Variants in RRP1 observed in about 807,000 individuals in gnomAD.
RRP1 encodes the protein ribosomal RNA processing protein 1 homolog A.
RRP1 carries 37 observed loss-of-function variants against 54.6 expected under a neutral mutation model. That is an observed-to-expected ratio of 0.68 (90% CI 0.52 to 0.89). The LOEUF is 0.89. RRP1 is among the 40% of genes least tolerant of loss of function. The probability of loss-of-function intolerance (pLI) is 0.00; values close to 1 mark genes in which losing one functional copy is unlikely to be tolerated. For missense variants in RRP1, 639 were observed against 612.5 expected (o/e 1.04, Z -0.46); for synonymous variants, 262 against 244.3 (o/e 1.07, Z -0.67).
rs953802167 is a variant in RRP1, at chr21:43,803,688, A to G, written c.1300A>G (p.Arg434Gly). The G allele has an allele frequency of 1.6e-5, 25 of 1,553,920 alleles. No homozygotes were observed. Among genetic ancestry groups the G allele is most frequent in the Non-Finnish European group, 2.1e-5 (24 of 1,149,120 alleles). The change falls in exon 13 of 13, where the codon AGG becomes GGG. Residue 434 changes from arginine to glycine, a missense_variant. Coordinates refer to ENST00000497547, the MANE Select transcript of RRP1 (RefSeq NM_003683.6). Reference protein sequence around the residue: ...GRGQRGARQRRRTPRPLTSAR... With the variant: ...GRGQRGARQRGRTPRPLTSAR... ...TGGCCAGAGAGGGGCTCGCCAGAGA[A>G]GGAGGACACCTCGGCCCCTGACCAG... is the stretch of plus-strand genomic sequence containing the variant.
rs566967177 is a variant in RRP1 at position 43,804,240 on chromosome 21, T to C, written c.*466T>C. On this transcript the variant is annotated 3_prime_UTR_variant, in exon 13 of 13. Coordinates refer to ENST00000497547, the MANE Select transcript of RRP1 (RefSeq NM_003683.6). The surrounding 1 kb of genome is among the most constrained non-coding windows in gnomAD (Gnocchi z 4.3). The stretch of plus-strand genomic sequence containing the variant: ...TCCTTTCACAGAACTGCCCAGGTGT[T>C]AACAGGGCTGTCTGGACGGGGCTCT... 6 of 155,244 alleles carry C rather than the reference T, an allele frequency of 3.9e-5. No individual in the cohort carries two copies. In the South Asian group the frequency reaches 1.2e-3, roughly 31 times the overall value. 9.6% of individuals were successfully genotyped at this position (155,244 alleles called of 1,614,324 possible). A position where few individuals can be genotyped will look rare whatever the true frequency, so the allele number is the denominator to read the frequency against.
Position 43,791,436 on chromosome 21 carries a change from A to C in RRP1, c.216+4A>C. 5.0e-6 allele frequency: 8 copies of C among 1,613,544 alleles called. No homozygotes were observed. Among genetic ancestry groups the C allele is most frequent in the Non-Finnish European group, 5.9e-6 (7 of 1,179,662 alleles). ...GCAGGACAAGCCACTCCTCCAGGTGAGTGGGGGGAGCAGCAGAGCAGGTAC... is the reference window on the plus strand; with the variant it reads ...GCAGGACAAGCCACTCCTCCAGGTGCGTGGGGGGAGCAGCAGAGCAGGTAC... On this transcript the variant is annotated splice_donor_region_variant and intron_variant, in intron 2 of 12. Transcript: ENST00000497547.
Position 43,789,761 on chromosome 21 carries a change from A to C in RRP1, c.132A>C (p.Ala44=), listed in dbSNP as rs1338151836. The C allele has an allele frequency of 6.6e-7, 1 of 1,510,708 alleles. No homozygotes were observed. Among genetic ancestry groups the C allele is most frequent in the Non-Finnish European group, 8.9e-7 (1 of 1,127,676 alleles). The allele number at this position is 1,510,708 out of a possible 1,614,324, so 93.6% of individuals were successfully genotyped here. Residue 44 remains alanine, a splice_region_variant and synonymous_variant, in exon 1 of 13, where the codon GCA becomes GCC. Coordinates refer to ENST00000497547, the MANE Select transcript of RRP1 (RefSeq NM_003683.6). ...TCGTCGCCAGGACTCAGCGGGCCGCAGGTTGGCGGGGGTGTGGGCGGCTGG... is the reference window on the plus strand; with the variant it reads ...TCGTCGCCAGGACTCAGCGGGCCGCCGGTTGGCGGGGGTGTGGGCGGCTGG... ...KYIVARTQRA[A]GGFTHDELLK...
Position 43,803,817 on chromosome 21 carries a change from G to T in RRP1, c.*43G>T. On this transcript the variant is annotated 3_prime_UTR_variant, in exon 13 of 13. Coordinates refer to ENST00000497547, the MANE Select transcript of RRP1 (RefSeq NM_003683.6). ...CAGGCAGGGAGGGAGGCCAGGCCTCGCTTGCACCGCGGGACGAGGCTGACC... is the reference window on the plus strand; with the variant it reads ...CAGGCAGGGAGGGAGGCCAGGCCTCTCTTGCACCGCGGGACGAGGCTGACC... The T allele has an allele frequency of 2.0e-6, 3 of 1,516,176 alleles. No individual in the cohort carries two copies. Among genetic ancestry groups the T allele is most frequent in the Non-Finnish European group, 2.7e-6 (3 of 1,127,166 alleles). 93.9% of individuals were successfully genotyped at this position (1,516,176 alleles called of 1,614,324 possible). A position where few individuals can be genotyped will look rare whatever the true frequency, so the allele number is the denominator to read the frequency against.
rs1181797214 is a variant in RRP1 at position 43,793,187 on chromosome 21, G to C, written c.275-132G>C. The C allele has an allele frequency of 3.9e-6, 3 of 761,042 alleles. No individual in the cohort carries two copies. The African/African-American group carries it at 5.2e-5, about 13-fold the overall frequency. 47.1% of individuals were successfully genotyped at this position (761,042 alleles called of 1,614,324 possible). A position where few individuals can be genotyped will look rare whatever the true frequency, so the allele number is the denominator to read the frequency against. ...CCTGGTCCAGCAAGATCCAGTTCTGGGGGTAGGGCCTGGGCATCAGCATTT... is the reference window on the plus strand; with the variant it reads ...CCTGGTCCAGCAAGATCCAGTTCTGCGGGTAGGGCCTGGGCATCAGCATTT... On this transcript the variant is annotated intron_variant, in intron 3 of 12. Transcript: ENST00000497547.
chr21:43,800,928 G>A lies in RRP1; in HGVS notation c.1009+47G>A, dbSNP rs535969042. 99 of 1,605,232 alleles carry A rather than the reference G, an allele frequency of 6.2e-5. No individual in the cohort carries two copies. The South Asian group carries it at 1.0e-3, about 17-fold the overall frequency. ...ACAGTGGCACCACCTTGGAGGTGGA[G>A]CTCCATCCTCGTGGGAGTGGTTTGG... On this transcript the variant is annotated intron_variant, in intron 11 of 12. Coordinates refer to ENST00000497547, the MANE Select transcript of RRP1 (RefSeq NM_003683.6).
intron 4 of RRP1, among the ~76,000 whole-genome samples, chr21:43,793,967 A>G (rs2084988024): frequency 6.6e-6 from 1 of 152,104 alleles, no homozygotes; most frequent in South Asian, 2.1e-4. Context: ...TTGTTGAACC[A>G]TGAGGTCTCG....
intron 11 of RRP1, among the ~76,000 whole-genome samples, chr21:43,801,815 A>G (rs541144555): frequency 2.6e-4 from 40 of 152,312 alleles, no homozygotes; most frequent in African/African-American, 9.4e-4. Flanking sequence ...ACTTTGGTGT[A>G]CAGGTTGAGC....
intron 2 of RRP1, among the ~76,000 whole-genome samples, chr21:43,792,033 G>A (rs1009365293): frequency 6.6e-6 from 1 of 152,192 alleles, no homozygotes; most frequent in Non-Finnish European, 1.5e-5. Flanking sequence ...GAAACCACGG[G>A]GCGGAATTCA....
chr21:43,797,412 C>G lies in RRP1; in HGVS notation c.423-10C>G. 1 of 1,603,574 alleles carries G rather than the reference C, an allele frequency of 6.2e-7. No homozygotes were observed. The highest frequency in any genetic ancestry group is 1.3e-5 in the African/African-American group (1 of 74,754). On this transcript the variant is annotated splice_polypyrimidine_tract_variant and intron_variant, in intron 5 of 12. Transcript: ENST00000497547. ...AGGCTGCCTGTCATGTTTGCTTTTT[C>G]TTTCCTCAGACAGATCGAGGAGCTG...
In RRP1 at chr21:43,802,359, G is replaced by C. The variant is rs745680911; in HGVS notation, c.1095G>C (p.Lys365Asn). The change falls in exon 12 of 13, where the codon AAG becomes AAC. Residue 365 changes from lysine to asparagine, a missense_variant. Transcript: ENST00000497547. ...GRRQKKTKKQ[K>N]RLLRLQQERG... ...GGCAGAAGAAGACGAAGAAGCAGAAGCGTCTGCTCAGGTTGCAGCAGGAGA... is the reference window on the plus strand; with the variant it reads ...GGCAGAAGAAGACGAAGAAGCAGAACCGTCTGCTCAGGTTGCAGCAGGAGA... 36 of 1,613,896 alleles carry C rather than the reference G, an allele frequency of 2.2e-5. No individual in the cohort carries two copies. The highest frequency in any genetic ancestry group is 2.9e-5 in the Non-Finnish European group (34 of 1,180,006).
At position 43,791,409 on chromosome 21, in the gene RRP1, A is replaced by T. The variant is rs769345136; in HGVS notation, c.193A>T (p.Met65Leu). The T allele has an allele frequency of 6.2e-7, 1 of 1,613,952 alleles. No individual in the cohort carries two copies. Among genetic ancestry groups the T allele is most frequent in the Non-Finnish European group, 8.5e-7 (1 of 1,179,962 alleles). Residue 65 changes from methionine (M) to leucine (L), a missense_variant, in exon 2 of 13, where the codon ATG becomes TTG. Coordinates refer to ENST00000497547, the MANE Select transcript of RRP1 (RefSeq NM_003683.6). ...VWKGLFYCMWMQDKPLLQEEL... is the reference protein window; with the variant it reads ...VWKGLFYCMWLQDKPLLQEEL... ...GAAAGGACTGTTTTATTGCATGTGGATGCAGGACAAGCCACTCCTCCAGGT... is the reference window on the plus strand; with the variant it reads ...GAAAGGACTGTTTTATTGCATGTGGTTGCAGGACAAGCCACTCCTCCAGGT...
chr21:43,798,438 T>A (rs73224967), intron 8 of RRP1, among the ~76,000 whole-genome samples: 1 of 152,060 alleles, frequency 6.6e-6, no homozygotes, highest in Non-Finnish European at 1.5e-5. Flanking sequence ...CCCATCACTC[T>A]CTGGGGCTGG....
Position 43,803,942 on chromosome 21 carries a change from A to C in RRP1, c.*168A>C. On this transcript the variant is annotated 3_prime_UTR_variant, in exon 13 of 13. Transcript: ENST00000497547. ...GATGGGCCCATCATTAGGGGCCAGC[A>C]TCCCAGGAACTGGACCTTTCCCCAG... is the stretch of plus-strand genomic sequence containing the variant. 1 of 837,360 alleles carries C rather than the reference A, an allele frequency of 1.2e-6. No individual in the cohort carries two copies. The highest frequency in any genetic ancestry group is 2.2e-5 in the South Asian group (1 of 44,574). 51.9% of individuals were successfully genotyped at this position (837,360 alleles called of 1,614,324 possible).
intron 2 of RRP1, 131 bp from the exon 3 acceptor site, chr21:43,792,541 C>A: frequency 1.1e-6 from 1 of 872,804 alleles, no homozygotes; most frequent in Non-Finnish European, 1.9e-6. Context: ...GTGCACTGAG[C>A]TGAGACCCCC....
intron 3 of RRP1, 97 bp downstream of exon 3, chr21:43,792,826 G>A: frequency 7.5e-7 from 1 of 1,341,160 alleles, no homozygotes; most frequent in Non-Finnish European, 1.1e-6. Flanking sequence ...CTCAAATCCA[G>A]AGTAAGGAAT....
chr21:43,791,460 A>G (rs376242382), intron 2 of RRP1, 28 bp downstream of exon 2: 10 of 1,607,898 alleles, frequency 6.2e-6, no homozygotes, highest in Admixed American at 3.3e-5. Context: ...CAGAGCAGGT[A>G]CAGAAGCAGC....
chr21:43,803,643 C>A lies in RRP1; in HGVS notation c.1255C>A (p.Arg419=). The A allele has an allele frequency of 6.4e-7, 1 of 1,551,246 alleles. No homozygotes were observed. Among genetic ancestry groups the A allele is most frequent in the Non-Finnish European group, 8.7e-7 (1 of 1,147,896 alleles). Reference sequence around the variant, plus strand: ...AGGCACAGCTGAGCGGGCCCTGCTCCGAGATCAGCCCAGGGGCCGTGGCCA... The same window carrying A: ...AGGCACAGCTGAGCGGGCCCTGCTCAGAGATCAGCCCAGGGGCCGTGGCCA... ...QPGTAERALL[R]DQPRGRGQRG... The change falls in exon 13 of 13, where the codon CGA becomes AGA. Residue 419 remains arginine (R), a synonymous_variant. Coordinates refer to ENST00000497547, the MANE Select transcript of RRP1 (RefSeq NM_003683.6).
Position 43,802,323 on chromosome 21 carries a change from T to G in RRP1, c.1059T>G (p.Leu353=), listed in dbSNP as rs761719310. Residue 353 remains leucine, a synonymous_variant, in exon 12 of 13, where the codon CTT becomes CTG. Transcript: ENST00000497547. ...CAGAGAAGGCCTGCAGGCGCCTGCT[T>G]GAAGGGAGGCGGCAGAAGAAGACGA... is the stretch of plus-strand genomic sequence containing the variant. ...EIPEKACRRL[L]EGRRQKKTKK... The G allele has an allele frequency of 9.3e-6, 15 of 1,613,508 alleles. No individual in the cohort carries two copies. The highest frequency in any genetic ancestry group is 8.5e-7 in the Non-Finnish European group (1 of 1,179,948).
Sources: gnomAD v4.1 joint callset for allele counts (sites outside exome capture counted in the v4.1 genomes callset) on GRCh38, gnomAD v4.1.1 for gene constraint, Gnocchi (gnomAD v3.1) non-coding constraint, MANE v1.5 for transcripts, NCBI Gene and HGNC (gene_info 2026-07-23, HGNC 2026-07-21) for gene names.